Variants in PRKAR1A observed in about 807,000 individuals in gnomAD.
PRKAR1A encodes cAMP-dependent protein kinase type I-alpha regulatory subunit.
PRKAR1A carries 3 observed loss-of-function variants against 52.0 expected under a neutral mutation model. That is an observed-to-expected ratio of 0.06 (90% CI 0.03 to 0.15). The LOEUF (loss-of-function observed/expected upper bound fraction) is 0.15. Among genes scored for constraint, PRKAR1A ranks in the 10% least tolerant of loss-of-function variants. PRKAR1A has a pLI of 1.00. For missense variants in PRKAR1A, 240 were observed against 477.4 expected (o/e 0.50, Z 4.63); for synonymous variants, 188 against 168.4 (o/e 1.12, Z -0.90).
downstream of PRKAR1A, chr17:68,537,267 C>T (rs2286554): frequency 0.012 from 8,760 of 722,954 alleles, 378 homozygotes; most frequent in South Asian, 0.078. This position sits in a 1 kb window ranked among gnomAD's most constrained non-coding sequence, Gnocchi z 4.2. Flanking sequence ...TTGGGAAAAA[C>T]GGAGCAAGGC....
the PRKAR1A span, chr17:68,421,844 C>T: frequency 6.2e-7 from 1 of 1,614,102 alleles, no homozygotes; most frequent in African/African-American, 1.3e-5. Flanking sequence ...AACAGAATGG[C>T]CTTACTCTTC....
At chr17:68,522,104 C>T (rs905116564) in intron 2 of PRKAR1A, among the ~76,000 whole-genome samples, 18 of 152,174 alleles carry the variant, frequency 1.2e-4, no homozygotes, top group African/African-American at 3.6e-4. Flanking sequence ...GATACGATCT[C>T]GTTTAAATTC....
rs281864782 is a variant in PRKAR1A, at chr17:68,515,523, C to G, written c.124C>G (p.Arg42Gly). The change falls in exon 2 of 11, where the codon CGA becomes GGA. Residue 42 changes from arginine (R) to glycine (G), a missense_variant. By Grantham distance (125) the Arg-to-Gly change is moderately radical. Around this residue, in one of 4 missense-constraint regions of PRKAR1A, gnomAD observed 107 missense variants for 114.6 expected, o/e 0.93. Transcript: ENST00000589228. ...KDSIVQLCTA[R>G]PERPMAFLRE... ...TTCTATTGTGCAGTTGTGCACTGCTCGACCTGAGAGACCCATGGCATTCCT... is the reference window on the plus strand; with the variant it reads ...TTCTATTGTGCAGTTGTGCACTGCTGGACCTGAGAGACCCATGGCATTCCT... 1.9e-6 allele frequency: 3 copies of G among 1,613,042 alleles called. No homozygotes were observed. The highest frequency in any genetic ancestry group is 2.2e-5 in the South Asian group (2 of 90,990).
the PRKAR1A span, among the ~76,000 whole-genome samples, chr17:68,468,325 T>C: frequency 1.8e-4 from 27 of 152,074 alleles, no homozygotes; most frequent in Non-Finnish European, 2.9e-5. Context: ...CTAGGAGTCA[T>C]TGGGGGAAGA....
rs1600564461 is a variant in PRKAR1A at position 68,551,181 on chromosome 17, G to T, written c.*57G>T. 7 of 1,184,484 alleles carry T rather than the reference G, an allele frequency of 5.9e-6. No individual in the cohort carries two copies. The East Asian group carries it at 1.6e-4, about 27-fold the overall frequency. 73.4% of individuals were successfully genotyped at this position (1,184,484 alleles called of 1,614,324 possible). On this transcript the variant is annotated 3_prime_UTR_variant, in exon 12 of 12. Transcript: ENST00000585981. ...CCTGTGGGCTGCAGATCCTTTGGGG[G>T]CCAGAAACCCAAACTCACACCAAGC...
chr17:68,457,193 T>C, the PRKAR1A span: 1 of 899,852 alleles, frequency 1.1e-6, no homozygotes, highest in Non-Finnish European at 1.6e-6. Flanking sequence ...GGTACGGGGA[T>C]AACAAGATCC....
At chr17:68,540,100 C>T in intron 11 of PRKAR1A, 3 of 755,492 alleles carry the variant, frequency 4.0e-6, no homozygotes, top group South Asian at 2.9e-5. Flanking sequence ...GGGCCTCACA[C>T]TGTCATTTCC....
intron 2 of PRKAR1A, among the ~76,000 whole-genome samples, chr17:68,521,961 TTTATC>T (rs1249082846): frequency 6.6e-6 from 1 of 152,254 alleles, no homozygotes; most frequent in African/African-American, 2.4e-5. Flanking sequence ...TGTTTAATAG[TTTATC>T]TTAGGTTTTA....
the PRKAR1A span, among the ~76,000 whole-genome samples, chr17:68,439,965 AGTCTTATGT>A: frequency 6.6e-6 from 1 of 152,226 alleles, no homozygotes; most frequent in Non-Finnish European, 1.5e-5. Context: ...TGTGCTTCAG[AGTCTTATGT>A]TAAAACATAA....
downstream of PRKAR1A, among the ~76,000 whole-genome samples, chr17:68,538,337 G>T (rs1468009623): frequency 2.0e-5 from 3 of 152,220 alleles, no homozygotes; most frequent in African/African-American, 7.2e-5. Context: ...GTCCTGCTCT[G>T]GAGGCAGGGA....
chr17:68,529,491 A>G (rs1051129843), intron 9 of PRKAR1A, among the ~76,000 whole-genome samples: 3 of 152,242 alleles, frequency 2.0e-5, no homozygotes, highest in African/African-American at 7.2e-5. Context: ...TATTTAAATC[A>G]GGGGTCAGGA....
the PRKAR1A span, among the ~76,000 whole-genome samples, chr17:68,446,983 C>T: frequency 6.6e-6 from 1 of 152,200 alleles, no homozygotes; most frequent in African/African-American, 2.4e-5. Context: ...GGGGTGGGCA[C>T]GATGCTGCTG....
chr17:68,427,154 A>G, the PRKAR1A span: 11 of 1,613,930 alleles, frequency 6.8e-6, no homozygotes, highest in Non-Finnish European at 9.3e-6. Flanking sequence ...TGGAGGCTGA[A>G]GATGCACTTG....
At chr17:68,428,848 C>T in the PRKAR1A span, 1 of 1,613,916 alleles carries the variant, frequency 6.2e-7, no homozygotes, top group African/African-American at 1.3e-5. Context: ...TTGATTAAGA[C>T]ACACTCTCCT....
chr17:68,479,807 C>T, the PRKAR1A span, among the ~76,000 whole-genome samples: 1 of 152,092 alleles, frequency 6.6e-6, no homozygotes, highest in South Asian at 2.1e-4. Context: ...TTTAATTTAC[C>T]CACAGTTCCA....
chr17:68,523,037 C>T (rs2085667783), intron 3 of PRKAR1A, 111 bp downstream of exon 3: 2 of 1,311,848 alleles, frequency 1.5e-6, no homozygotes, highest in Non-Finnish European at 1.1e-6. Flanking sequence ...GAACTTCATC[C>T]ATCCTGTACA....
rs1215226597 is a variant in PRKAR1A at position 68,531,896 on chromosome 17, GT to G, written c.*1448del. ...CATTGTGATTTATATATAAGGTAAT[GT>G]AGGGTTATATTTGGGAGTGACTGCA... On this transcript the variant is annotated 3_prime_UTR_variant, in exon 11 of 11. Coordinates refer to ENST00000589228, the MANE Select transcript of PRKAR1A (RefSeq NM_002734.5). 28 of 1,050,820 alleles carry G rather than the reference GT, an allele frequency of 2.7e-5. No homozygotes were observed. Among genetic ancestry groups the G allele is most frequent in the Non-Finnish European group, 3.2e-5 (28 of 865,824 alleles). The allele number at this position is 1,050,820 out of a possible 1,614,324, so 65.1% of individuals were successfully genotyped here.
In PRKAR1A at chr17:68,525,076, T is replaced by C. The variant is rs955536932; in HGVS notation, c.549+118T>C. 25 of 815,410 alleles carry C rather than the reference T, an allele frequency of 3.1e-5. 2 individuals carry two copies. In the Admixed American group the frequency reaches 5.0e-4, roughly 16 times the overall value. The allele number at this position is 815,410 out of a possible 1,614,324, so 50.5% of individuals were successfully genotyped here. A position where few individuals can be genotyped will look rare whatever the true frequency, so the allele number is the denominator to read the frequency against. On this transcript the variant is annotated intron_variant, in intron 6 of 10. Transcript: ENST00000589228. ...TACATCCCTTGTATGTCAGATTTTA[T>C]TAATACCTTTTGCCAAGTATTTTTA...
rs1483472070 is a variant in PRKAR1A, at chr17:68,530,419, G to C, written c.1116G>C (p.Gln372His). ...ACATCCTCAAACGAAACATCCAGCA[G>C]TACAACAGTTTTGTGTCACTGTCTG... ...CSDILKRNIQQYNSFVSLSV is the reference protein window; with the variant it reads ...CSDILKRNIQHYNSFVSLSV Residue 372 changes from glutamine to histidine, a missense_variant, in exon 11 of 11, where the codon CAG becomes CAC. Physicochemically the swap from Gln to His is conservative, Grantham distance 24. Transcript: ENST00000589228. 6.2e-7 allele frequency: 1 copy of C among 1,614,100 alleles called. No homozygotes were observed. Among genetic ancestry groups the C allele is most frequent in the African/African-American group, 1.3e-5 (1 of 75,024 alleles).
Sources: allele counts gnomAD v4.1 joint callset (sites outside exome capture counted in the v4.1 genomes callset), GRCh38; gene constraint gnomAD v4.1.1; regional missense constraint gnomAD v4.1.1; non-coding constraint Gnocchi (gnomAD v3.1); transcripts MANE v1.5; gene names NCBI Gene and HGNC (gene_info 2026-07-23, HGNC 2026-07-21).